The following SH3GL2 variants were observed in gnomAD, a reference collection of about 807,000 sequenced individuals.
The protein encoded by SH3GL2 is SH3 domain containing GRB2 like 2, endophilin A1.
Under a neutral mutation model 46.0 loss-of-function variants are expected in SH3GL2, and 24 were observed. The ratio of observed to expected loss-of-function variants is 0.52; its 90% CI spans 0.38 to 0.73. SH3GL2 has a LOEUF of 0.73. Among genes scored for constraint, SH3GL2 ranks in the 30% least tolerant of loss-of-function variants. The probability of loss-of-function intolerance (pLI) is 0.00; values close to 1 mark genes in which losing one functional copy is unlikely to be tolerated. For missense variants in SH3GL2, 413 were observed against 424.2 expected (o/e 0.97, Z 0.23); for synonymous variants, 196 against 147.1 (o/e 1.33, Z -2.40).
At chr9:17,594,063 T>C (rs1818529708) in intron 1 of SH3GL2, among the ~76,000 whole-genome samples, 1 of 152,202 alleles carries the variant, frequency 6.6e-6, no homozygotes, top group Non-Finnish European at 1.5e-5. Context: ...GTGGCTATAG[T>C]GACTTTTCTA....
chr9:17,761,927 T>TTCTTCATA (rs1823186521), intron 3 of SH3GL2, among the ~76,000 whole-genome samples: 1 of 152,144 alleles, frequency 6.6e-6, no homozygotes. Context: ...CACAGAGGGT[T>TTCTTCATA]TCTTCATAGG....
chr9:17,692,356 T>G (rs977668644), intron 1 of SH3GL2, among the ~76,000 whole-genome samples: 2 of 151,944 alleles, frequency 1.3e-5, no homozygotes, highest in Non-Finnish European at 2.9e-5. Flanking sequence ...TAAATATTAC[T>G]TGGAGAAGCC....
chr9:17,672,826 G>C (rs542768623), intron 1 of SH3GL2, among the ~76,000 whole-genome samples: 3 of 152,188 alleles, frequency 2.0e-5, no homozygotes, highest in African/African-American at 7.2e-5. Context: ...TTTAACTCTT[G>C]TGCTTATATG....
intron 1 of SH3GL2, among the ~76,000 whole-genome samples, chr9:17,655,276 A>G (rs2117847328): frequency 6.6e-6 from 1 of 152,260 alleles, no homozygotes; most frequent in South Asian, 2.1e-4. Context: ...TTTCTCAAAT[A>G]ACCCCAGAAG....
chr9:17,787,355 A>G (rs758022516), intron 4 of SH3GL2, 25 bp from the exon 5 acceptor site: 67 of 1,602,578 alleles, frequency 4.2e-5, no homozygotes, highest in Non-Finnish European at 4.9e-5. Flanking sequence ...ATTCTGTAAC[A>G]TGAAAGAGCT....
chr9:17,672,036 G>C (rs1373162583), intron 1 of SH3GL2, among the ~76,000 whole-genome samples: 5 of 152,142 alleles, frequency 3.3e-5, no homozygotes. Context: ...TAATATCAGA[G>C]CCCAGTGTGT....
intron 2 of SH3GL2, among the ~76,000 whole-genome samples, chr9:17,747,685 AT>A (rs927975984): frequency 1.3e-5 from 2 of 151,802 alleles, no homozygotes; most frequent in African/African-American, 4.8e-5. Flanking sequence ...TATTGTTATT[AT>A]TTTTTTGAGA....
intron 1 of SH3GL2, among the ~76,000 whole-genome samples, chr9:17,583,074 A>G (rs1818306970): frequency 6.6e-6 from 1 of 152,200 alleles, no homozygotes; most frequent in African/African-American, 2.4e-5. Flanking sequence ...TAGGACTTTA[A>G]TATGAATTTT....
At chr9:17,644,703 T>G (rs965909461) in intron 1 of SH3GL2, among the ~76,000 whole-genome samples, 1 of 152,202 alleles carries the variant, frequency 6.6e-6, no homozygotes, top group Non-Finnish European at 1.5e-5. Context: ...TGTTATGATT[T>G]CCATTTTTTT....
intron 1 of SH3GL2, among the ~76,000 whole-genome samples, chr9:17,684,669 G>A (rs1048311369): frequency 6.6e-6 from 1 of 152,032 alleles, no homozygotes; most frequent in African/African-American, 2.4e-5. Flanking sequence ...CAGACATATT[G>A]TATTCACACT....
In SH3GL2 at chr9:17,684,663, C is replaced by T. The variant is rs55987403; in HGVS notation, c.46-62403C>T. Among the ~76,000 whole-genome samples the T allele has an allele frequency of 5.4e-3, 824 of 152,120 alleles. 15 individuals carry two copies. Among genetic ancestry groups the T allele is most frequent in the African/African-American group, 0.019 (803 of 41,512 alleles). ...ACCCTGCAACACACATACAGTCAGACATATTGTATTCACACTGAGAAAAAA... is the reference window on the plus strand; with the variant it reads ...ACCCTGCAACACACATACAGTCAGATATATTGTATTCACACTGAGAAAAAA... On this transcript the variant is annotated intron_variant, in intron 1 of 8. Transcript: ENST00000380607.
At chr9:17,608,015 C>A (rs1722352919) in intron 1 of SH3GL2, among the ~76,000 whole-genome samples, 3 of 152,044 alleles carry the variant, frequency 2.0e-5, no homozygotes, top group Admixed American at 2.0e-4. Flanking sequence ...TTCACCTTAC[C>A]TCATCTGTTC....
At chr9:17,693,835 A>T (rs1171446649) in intron 1 of SH3GL2, among the ~76,000 whole-genome samples, 1 of 152,188 alleles carries the variant, frequency 6.6e-6, no homozygotes. Flanking sequence ...ACATCAGTAC[A>T]TTTGTAATCG....
chr9:17,700,048 G>T (rs936522617), intron 1 of SH3GL2, among the ~76,000 whole-genome samples: 1 of 144,758 alleles, frequency 6.9e-6, no homozygotes, highest in Non-Finnish European at 1.5e-5. Context: ...GATGATCTCT[G>T]TGCAAGAAGA....
rs1588285357 is a variant in SH3GL2 at position 17,734,860 on chromosome 9, G to A, written c.46-12206G>A. Among the ~76,000 whole-genome samples the A allele has an allele frequency of 2.0e-5, 3 of 152,080 alleles. No homozygotes were observed. The South Asian group carries it at 6.2e-4, about 32-fold the overall frequency. On this transcript the variant is annotated intron_variant, in intron 1 of 8. Transcript: ENST00000380607. Reference sequence around the variant, plus strand: ...AAAAATTCTTTTTGGTATGATGAAAGCAGTGTAATATTTGAGTATGGTGAT... The same window carrying A: ...AAAAATTCTTTTTGGTATGATGAAAACAGTGTAATATTTGAGTATGGTGAT...
intron 3 of SH3GL2, among the ~76,000 whole-genome samples, chr9:17,770,537 C>T (rs2131164298): frequency 6.6e-6 from 1 of 151,792 alleles, no homozygotes; most frequent in Non-Finnish European, 1.5e-5. Context: ...TGACTTGCTG[C>T]TAACCAATAA....
At chr9:17,591,805 C>A (rs2134548291) in intron 1 of SH3GL2, among the ~76,000 whole-genome samples, 1 of 152,292 alleles carries the variant, frequency 6.6e-6, no homozygotes, top group South Asian at 2.1e-4. Context: ...CTGGTTGCTG[C>A]TGTGAATGAT....
chr9:17,635,349 G>C (rs1262705607), intron 1 of SH3GL2, among the ~76,000 whole-genome samples: 1 of 152,148 alleles, frequency 6.6e-6, no homozygotes, highest in Non-Finnish European at 1.5e-5. Context: ...ATTCCATGTT[G>C]TATATGTACC....
At chr9:17,773,198 C>T (rs578160117) in intron 3 of SH3GL2, among the ~76,000 whole-genome samples, 11 of 151,910 alleles carry the variant, frequency 7.2e-5, no homozygotes, top group Non-Finnish European at 1.2e-4. Flanking sequence ...TTTTTTGTTG[C>T]GTTTTAGGAG....
Sources: allele counts gnomAD v4.1 joint callset (sites outside exome capture counted in the v4.1 genomes callset), GRCh38; gene constraint gnomAD v4.1.1; transcripts MANE v1.5; gene names NCBI Gene and HGNC (gene_info 2026-07-23, HGNC 2026-07-21).